Variants in BDP1 observed in about 807,000 individuals in gnomAD.
The protein encoded by BDP1 is transcription factor TFIIIB component B'' homolog.
A neutral mutation model predicts 266.6 loss-of-function variants in BDP1; 169 were observed. That is an observed-to-expected ratio of 0.63 (90% confidence interval 0.56 to 0.72). BDP1 has a LOEUF of 0.72. BDP1 is among the 30% of genes least tolerant of loss of function. BDP1 has a pLI of 0.00. For missense variants in BDP1, 3,015 were observed against 3,053.8 expected (o/e 0.99, Z 0.30); for synonymous variants, 1,090 against 1,022.4 (o/e 1.07, Z -1.26).
Position 71,524,121 on chromosome 5 carries a change from A to G in BDP1, c.5570A>G (p.Glu1857Gly). Residue 1857 changes from glutamate (E) to glycine (G), a missense_variant, in exon 25 of 39, where the codon GAA (glutamate) becomes GGA (glycine). This residue lies in a region of BDP1 where 2,383 missense variants were observed against 2,404.9 expected (regional missense o/e 0.99). Transcript: ENST00000358731. ...GTTCGGGGTAAGACCTCTAAGAAGG[A>G]ACCTAGAGCTTCCAAGGCCATGCTG... ...KRVRGKTSKK[E>G]PRASKAMLVT... 1 of 1,614,214 alleles carries G rather than the reference A, an allele frequency of 6.2e-7. No individual in the cohort carries two copies. The highest frequency in any genetic ancestry group is 1.1e-5 in the South Asian group (1 of 91,084).
Position 71,489,560 on chromosome 5 carries a change from T to C in BDP1, c.1370T>C (p.Val457Ala). 6.2e-7 allele frequency: 1 copy of C among 1,614,022 alleles called. No homozygotes were observed. The highest frequency in any genetic ancestry group is 8.5e-7 in the Non-Finnish European group (1 of 1,179,968). Reference protein sequence around the residue: ...REDAEQVALEVDLNQKKRRRK... With the variant: ...REDAEQVALEADLNQKKRRRK... ...GATGCAGAGCAGGTTGCATTAGAAGTAGACCTAAATCAAAAGAAAAGAAGG... is the reference window on the plus strand; with the variant it reads ...GATGCAGAGCAGGTTGCATTAGAAGCAGACCTAAATCAAAAGAAAAGAAGG... The change falls in exon 10 of 39, where the codon GTA becomes GCA. Residue 457 changes from valine (V) to alanine (A), a missense_variant. Physicochemically the swap from Val to Ala is moderately conservative, Grantham distance 64. Coordinates refer to ENST00000358731, the MANE Select transcript of BDP1 (RefSeq NM_018429.3).
chr5:71,544,602 G>A (rs1455648511), intron 31 of BDP1, 95 bp downstream of exon 31: 17 of 1,380,716 alleles, frequency 1.2e-5, no homozygotes, highest in Non-Finnish European at 1.7e-5. Flanking sequence ...AGTTCTGGCC[G>A]GGCACGGTGG....
intron 38 of BDP1, 178 bp downstream of exon 38, chr5:71,562,698 G>A (rs1324556921): frequency 1.3e-6 from 2 of 1,489,000 alleles, no homozygotes; most frequent in African/African-American, 1.4e-5. Flanking sequence ...TGTTGAGTCA[G>A]GAAGTTACAG....
chr5:71,516,516 C>T (rs891824725), intron 21 of BDP1, among the ~76,000 whole-genome samples: 6 of 151,812 alleles, frequency 4.0e-5, no homozygotes, highest in Non-Finnish European at 8.8e-5. Flanking sequence ...ATATAAATAC[C>T]GCAAATCTTA....
intron 25 of BDP1, among the ~76,000 whole-genome samples, chr5:71,528,062 C>T (rs1766021876): frequency 6.6e-6 from 1 of 152,098 alleles, no homozygotes; most frequent in Non-Finnish European, 1.5e-5. Context: ...CTCAAATGAT[C>T]CATCTGCCTG....
chr5:71,489,221 A>ATT (rs1279477991), intron 9 of BDP1, among the ~76,000 whole-genome samples, 183 bp from the exon 10 acceptor site: 1 of 152,128 alleles, frequency 6.6e-6, no homozygotes, highest in East Asian at 1.9e-4. Flanking sequence ...CCTCATTATT[A>ATT]TTATTGGCTC....
rs11953420 is a variant in BDP1 at position 71,483,784 on chromosome 5, A to T, written c.1015-58A>T. ...TTTCATTTTAATGCTTACTGCATTT[A>T]AAAAAAAATGCTTGTTTTATGAGAG... On this transcript the variant is annotated intron_variant, in intron 7 of 38. Coordinates refer to ENST00000358731, the MANE Select transcript of BDP1 (RefSeq NM_018429.3). 34,821 of 1,105,884 alleles carry T rather than the reference A, an allele frequency of 0.031. 606 individuals are homozygous for T. Among genetic ancestry groups the T allele is most frequent in the Non-Finnish European group, 0.039 (29,662 of 755,468 alleles). 68.5% of individuals were successfully genotyped at this position (1,105,884 alleles called of 1,614,324 possible).
At chr5:71,540,450 C>T (rs1766898378) in intron 28 of BDP1, among the ~76,000 whole-genome samples, 1 of 152,130 alleles carries the variant, frequency 6.6e-6, no homozygotes, top group African/African-American at 2.4e-5. Flanking sequence ...GCCTTAGCCT[C>T]TCAAGTAGTT....
At chr5:71,512,578 C>A (rs989503772) in intron 18 of BDP1, 150 bp downstream of exon 18, 1 of 504,390 alleles carries the variant, frequency 2.0e-6, no homozygotes, top group South Asian at 5.1e-5. Flanking sequence ...TGAGGTCACT[C>A]TGACAGTCAA....
At chr5:71,515,304 G>A (rs1167706138) in intron 20 of BDP1, among the ~76,000 whole-genome samples, 182 bp downstream of exon 20, 1 of 152,076 alleles carries the variant, frequency 6.6e-6, no homozygotes, top group Admixed American at 6.6e-5. Context: ...CCTTCTAATG[G>A]TTGCCTGCTT....
intron 2 of BDP1, among the ~76,000 whole-genome samples, chr5:71,460,054 T>A (rs1175517338): frequency 6.6e-6 from 1 of 152,226 alleles, no homozygotes; most frequent in Non-Finnish European, 1.5e-5. Flanking sequence ...TTGTGAAGAT[T>A]AAATGAGTCA....
At chr5:71,556,108 A>C (rs930194853) in intron 35 of BDP1, among the ~76,000 whole-genome samples, 5 of 152,028 alleles carry the variant, frequency 3.3e-5, no homozygotes, top group South Asian at 2.1e-4. Flanking sequence ...TATGAGTTTT[A>C]TCTTTTTTGT....
chr5:71,560,051 G>A lies in BDP1; in HGVS notation c.7310G>A (p.Arg2437Lys). 1 of 1,613,960 alleles carries A rather than the reference G, an allele frequency of 6.2e-7. No homozygotes were observed. The highest frequency in any genetic ancestry group is 8.5e-7 in the Non-Finnish European group (1 of 1,180,014). Residue 2437 changes from arginine to lysine, a missense_variant, in exon 37 of 39, where the codon AGA becomes AAA. Physicochemically the swap from Arg to Lys is conservative, Grantham distance 26. Around this residue, in one of 3 missense-constraint regions of BDP1, gnomAD observed 629 missense variants for 632.5 expected, o/e 0.99. Coordinates refer to ENST00000358731, the MANE Select transcript of BDP1 (RefSeq NM_018429.3). ...GSTLTTPEPQ[R>K]QQVEAAFQSR... ...ACACTGACAACTCCAGAACCTCAAAGACAGCAAGTTGAAGCAGCTTTTCAG... is the reference window on the plus strand; with the variant it reads ...ACACTGACAACTCCAGAACCTCAAAAACAGCAAGTTGAAGCAGCTTTTCAG...
chr5:71,568,523 T>C (rs750319477), downstream of BDP1, among the ~76,000 whole-genome samples: 6 of 152,146 alleles, frequency 3.9e-5, no homozygotes, highest in Non-Finnish European at 7.4e-5. Context: ...GGCTGGAGTG[T>C]GGTGGCGTGA....
chr5:71,489,637 A>G lies in BDP1; in HGVS notation c.1447A>G (p.Asn483Asp), dbSNP rs369774260. The change falls in exon 10 of 39, where the codon AAT becomes GAT. Residue 483 changes from asparagine to aspartate, a missense_variant. Coordinates refer to ENST00000358731, the MANE Select transcript of BDP1 (RefSeq NM_018429.3). The part of the protein sequence containing the change: ...NELGVNNLLE[N>D]ATVQAGPSKG... ...ACTGGGAGTAAACAATCTTTTAGAA[A>G]ATGCCACTGTTCAGGCGGGTCCTTC... The G allele has an allele frequency of 2.5e-6, 4 of 1,613,928 alleles. No homozygotes were observed. The highest frequency in any genetic ancestry group is 3.3e-4 in the Middle Eastern group (2 of 6,082).
At chr5:71,506,703 A>G (rs982364387) in intron 16 of BDP1, among the ~76,000 whole-genome samples, 13 of 151,296 alleles carry the variant, frequency 8.6e-5, no homozygotes, top group African/African-American at 2.4e-4. Flanking sequence ...TACTTCATAT[A>G]AATATTTTAA....
intron 25 of BDP1, among the ~76,000 whole-genome samples, chr5:71,526,655 T>C (rs1343963568): frequency 7.0e-6 from 1 of 142,682 alleles, no homozygotes; most frequent in African/African-American, 2.5e-5. Flanking sequence ...CTAAAATACA[T>C]GTAACATAAA....
Position 71,542,259 on chromosome 5 carries a change from C to A in BDP1, c.6406C>A (p.Gln2136Lys). The A allele has an allele frequency of 6.2e-7, 1 of 1,606,106 alleles. No homozygotes were observed. Among genetic ancestry groups the A allele is most frequent in the Non-Finnish European group, 8.5e-7 (1 of 1,178,022 alleles). ...CVTKGAEMETQRETEKNASKA... is the reference protein window; with the variant it reads ...CVTKGAEMETKRETEKNASKA... ...AACCAAAGGGGCAGAAATGGAAACT[C>A]AAAGAGGTAAATTTTATTCTCTTAA... is the stretch of plus-strand genomic sequence containing the variant. The change falls in exon 30 of 39, where the codon CAA becomes AAA. Residue 2136 changes from glutamine to lysine, a missense_variant. By Grantham distance (53) the Gln-to-Lys change is moderately conservative. This residue lies in a region of BDP1 where 629 missense variants were observed against 632.5 expected (regional missense o/e 0.99). Coordinates refer to ENST00000358731, the MANE Select transcript of BDP1 (RefSeq NM_018429.3).
At position 71,504,747 on chromosome 5, in the gene BDP1, C is replaced by G. The variant is rs1764477788; in HGVS notation, c.2368C>G (p.Leu790Val). 3 of 1,611,912 alleles carry G rather than the reference C, an allele frequency of 1.9e-6. No individual in the cohort carries two copies. Among genetic ancestry groups the G allele is most frequent in the Non-Finnish European group, 8.5e-7 (1 of 1,179,350 alleles). Reference sequence around the variant, plus strand: ...TGAGCCCAAGGTTCTTAATGAATGTCTAAGGTAAGCATCATTTTGTTGATA... The same window carrying G: ...TGAGCCCAAGGTTCTTAATGAATGTGTAAGGTAAGCATCATTTTGTTGATA... ...PDEPKVLNEC[L>V]SVQENNKANK... Residue 790 changes from leucine to valine, a missense_variant, in exon 16 of 39, where the codon CTA (leucine) becomes GTA (valine). This residue lies in a region of BDP1 where 2,383 missense variants were observed against 2,404.9 expected (regional missense o/e 0.99). Transcript: ENST00000358731.
Sources: gnomAD v4.1 joint callset for allele counts (sites outside exome capture counted in the v4.1 genomes callset) on GRCh38, gnomAD v4.1.1 for gene constraint, gnomAD v4.1.1 regional missense constraint, MANE v1.5 for transcripts, NCBI Gene and HGNC (gene_info 2026-07-23, HGNC 2026-07-21) for gene names.